The following ANK2 variants were observed in gnomAD, a reference collection of about 807,000 sequenced individuals.
ANK2 encodes ankyrin 2, also known as ankyrin-2.
In ANK2, 83 loss-of-function variants were observed where a neutral mutation model predicts 360.5. The observed-to-expected ratio is 0.23, with a 90% CI of 0.19 to 0.28. The LOEUF (loss-of-function observed/expected upper bound fraction) is 0.28. Ranked by LOEUF, ANK2 falls within the 10% of genes least tolerant of loss-of-function variation. The probability of loss-of-function intolerance (pLI) is 1.00; values close to 1 mark genes in which losing one functional copy is unlikely to be tolerated. For synonymous variants in ANK2, 1,740 were observed against 1,759.5 expected, an observed-to-expected ratio of 0.99 and a Z score of 0.28; for missense variants, 4,201 against 4,795.7, an observed-to-expected ratio of 0.88 and a Z score of 3.66.
chr4:112,882,948 G>A (rs1478298983), intron 1 of ANK2, among the ~76,000 whole-genome samples: 1 of 147,636 alleles, frequency 6.8e-6, no homozygotes, highest in Admixed American at 6.8e-5. Flanking sequence ...CCTATCCCCT[G>A]GAGAAGAAAC....
chr4:113,184,379 A>G (rs2098474042), intron 2 of ANK2, among the ~76,000 whole-genome samples: 1 of 151,986 alleles, frequency 6.6e-6, no homozygotes, highest in Admixed American at 6.6e-5. Flanking sequence ...GCAGATAGCA[A>G]TTGTGACTTT....
rs2095714441 is a variant in ANK2, at chr4:113,355,719, T to C, written c.7101T>C (p.Ser2367=). 3 of 1,614,102 alleles carry C rather than the reference T, an allele frequency of 1.9e-6. No individual in the cohort carries two copies. Among genetic ancestry groups the C allele is most frequent in the Non-Finnish European group, 2.5e-6 (3 of 1,179,984 alleles). The change falls in exon 38 of 46, where the codon AGT becomes AGC. Residue 2367 remains serine (S), a synonymous_variant. Transcript: ENST00000357077. ...GSSAHKTQTD[S]EVQESTATSD... is the part of the protein sequence containing the mutation. Reference sequence around the variant, plus strand: ...CAGCCCACAAGACACAAACTGATAGTGAGGTTCAAGAATCCACAGCCACCT... The same window carrying C: ...CAGCCCACAAGACACAAACTGATAGCGAGGTTCAAGAATCCACAGCCACCT...
At chr4:113,287,046 G>A (rs558847963) in intron 18 of ANK2, among the ~76,000 whole-genome samples, 9 of 152,282 alleles carry the variant, frequency 5.9e-5, no homozygotes, top group Non-Finnish European at 1.2e-4. Context: ...CTGAGCAGTT[G>A]ATGGTGCTGT....
chr4:112,948,417 T>G (rs550080093), intron 2 of ANK2, among the ~76,000 whole-genome samples: 30 of 152,206 alleles, frequency 2.0e-4, no homozygotes, highest in Admixed American at 3.9e-4. Flanking sequence ...GTTTGGATAA[T>G]GAAAAGTAAC....
At chr4:112,713,946 A>AC in the ANK2 span, among the ~76,000 whole-genome samples, 1 of 94,602 alleles carries the variant, frequency 1.1e-5, no homozygotes, top group Non-Finnish European at 2.4e-5. Context: ...AAAAAAAAAC[A>AC]AAAAAAAAAA....
At chr4:113,305,930 C>T (rs1366214852) in intron 23 of ANK2, among the ~76,000 whole-genome samples, 1 of 152,130 alleles carries the variant, frequency 6.6e-6, no homozygotes, top group Non-Finnish European at 1.5e-5. Context: ...TCTTTAGGTT[C>T]TTCAAGATAA....
At chr4:113,373,647 A>G (rs748960130) in intron 45 of ANK2, 198 bp downstream of exon 45, 6 of 762,846 alleles carry the variant, frequency 7.9e-6, no homozygotes, top group Middle Eastern at 2.3e-4. Context: ...ACTTGTAGGC[A>G]TTATACTCAT....
intron 1 of ANK2, among the ~76,000 whole-genome samples, chr4:113,110,940 T>C (rs2094224278): frequency 6.6e-6 from 1 of 152,194 alleles, no homozygotes; most frequent in Admixed American, 6.5e-5. Flanking sequence ...CATTTTGCCA[T>C]TTTTCTATTG....
chr4:112,967,028 G>A (rs2037555231), intron 2 of ANK2, among the ~76,000 whole-genome samples: 1 of 152,154 alleles, frequency 6.6e-6, no homozygotes, highest in South Asian at 2.1e-4. Flanking sequence ...GCAGTTCAGA[G>A]TAGTAGGAGA....
At chr4:112,781,211 C>T in the ANK2 span, among the ~76,000 whole-genome samples, 4 of 151,950 alleles carry the variant, frequency 2.6e-5, no homozygotes, top group Non-Finnish European at 5.9e-5. Flanking sequence ...AGGCTGGTCT[C>T]AAACTCTCAA....
intron 2 of ANK2, among the ~76,000 whole-genome samples, chr4:112,907,404 T>G (rs923327733): frequency 6.6e-6 from 1 of 152,180 alleles, no homozygotes; most frequent in Non-Finnish European, 1.5e-5. Flanking sequence ...AAAACCATTT[T>G]GAAAAATAAA....
At chr4:113,146,387 G>A (rs75391328) in intron 1 of ANK2, among the ~76,000 whole-genome samples, 1,655 of 152,146 alleles carry the variant, frequency 0.011, 42 homozygotes, top group African/African-American at 0.038. Context: ...TGTATAGTTC[G>A]TTTCTCACTA....
the ANK2 span, among the ~76,000 whole-genome samples, chr4:112,776,850 A>G: frequency 6.6e-6 from 1 of 152,198 alleles, no homozygotes; most frequent in Non-Finnish European, 1.5e-5. Context: ...TCTTTCTAGG[A>G]ATCCCTCTCA....
In ANK2 at chr4:113,311,252, A is replaced by G. The variant is rs1180871054; in HGVS notation, c.2549-3A>G. 1 of 1,614,014 alleles carries G rather than the reference A, an allele frequency of 6.2e-7. No individual in the cohort carries two copies. Among genetic ancestry groups the G allele is most frequent in the Non-Finnish European group, 8.5e-7 (1 of 1,180,026 alleles). ...TCCTGCTTCTTCCTCTGATTGTTTCAAGGTGATGACACAATGACTGGTGAT... is the reference window on the plus strand; with the variant it reads ...TCCTGCTTCTTCCTCTGATTGTTTCGAGGTGATGACACAATGACTGGTGAT... On this transcript the variant is annotated splice_polypyrimidine_tract_variant and splice_region_variant and intron_variant, in intron 23 of 45. Transcript: ENST00000357077.
intron 4 of ANK2, among the ~76,000 whole-genome samples, chr4:113,223,416 C>T (rs941436115): frequency 6.6e-5 from 10 of 152,090 alleles, no homozygotes; most frequent in Non-Finnish European, 1.0e-4. Context: ...TTCTTATTTC[C>T]TACTGTTGGA....
intron 26 of ANK2, among the ~76,000 whole-genome samples, chr4:113,328,191 T>G (rs2090995687): frequency 6.6e-6 from 1 of 152,102 alleles, no homozygotes; most frequent in African/African-American, 2.4e-5. Flanking sequence ...ATTAAGCAGG[T>G]GTATTATAAT....
rs2039149878 is a variant in ANK2, at chr4:113,240,425, A to G, written c.694-60A>G. On this transcript the variant is annotated intron_variant, in intron 7 of 45. Transcript: ENST00000357077. ...ACCATGTGACCTTCTTCACTAATAC[A>G]ATGGCTGCAACATAGAAAAGTGAAG... 9 of 1,306,932 alleles carry G rather than the reference A, an allele frequency of 6.9e-6. No individual in the cohort carries two copies. The South Asian group carries it at 1.1e-4, about 15-fold the overall frequency. 81.0% of individuals were successfully genotyped at this position (1,306,932 alleles called of 1,614,324 possible). A position where few individuals can be genotyped will look rare whatever the true frequency, so the allele number is the denominator to read the frequency against.
At chr4:113,255,612 G>A (rs2048877274) in intron 10 of ANK2, 123 bp from the exon 11 acceptor site, 12 of 934,924 alleles carry the variant, frequency 1.3e-5, no homozygotes, top group Non-Finnish European at 2.0e-5. Context: ...GATGTCAAAT[G>A]GAAATTATTT....
At chr4:113,328,968 A>G (rs780263600) in intron 26 of ANK2, among the ~76,000 whole-genome samples, 1 of 152,208 alleles carries the variant, frequency 6.6e-6, no homozygotes, top group South Asian at 2.1e-4. Context: ...GGCAATATCT[A>G]GGTGGGACAA....
Sources: allele counts gnomAD v4.1 joint callset (sites outside exome capture counted in the v4.1 genomes callset), GRCh38; gene constraint gnomAD v4.1.1; transcripts MANE v1.5; gene names NCBI Gene and HGNC (gene_info 2026-07-23, HGNC 2026-07-21).